Variants in LIMA1 observed in about 807,000 individuals in gnomAD.
LIMA1 encodes the protein LIM domain and actin-binding protein 1.
Under a neutral mutation model 62.6 loss-of-function variants are expected in LIMA1, and 52 were observed. That is an observed-to-expected ratio of 0.83 (90% CI 0.67 to 1.05). The LOEUF (loss-of-function observed/expected upper bound fraction) is 1.05. Among genes scored for constraint, LIMA1 ranks in the 50% least tolerant of loss-of-function variants. The pLI is 0.00. For missense variants in LIMA1, 780 were observed against 902.2 expected (o/e 0.86, Z 1.74); for synonymous variants, 302 against 317.8 (o/e 0.95, Z 0.53).
chr12:50,238,165 A>G (rs1042974034), intron 2 of LIMA1, among the ~76,000 whole-genome samples: 3 of 152,158 alleles, frequency 2.0e-5, no homozygotes, highest in Non-Finnish European at 4.4e-5. Context: ...TACAACACCA[A>G]AAGCACAGGC....
chr12:50,218,904 A>AC (rs982523407), intron 4 of LIMA1, among the ~76,000 whole-genome samples: 10 of 135,902 alleles, frequency 7.4e-5, no homozygotes, highest in African/African-American at 2.6e-4. Context: ...ATAAAAAAAA[A>AC]AAAAACAAAA....
At chr12:50,240,418 GA>G (rs1277618742) in intron 2 of LIMA1, among the ~76,000 whole-genome samples, 1 of 152,166 alleles carries the variant, frequency 6.6e-6, no homozygotes, top group African/African-American at 2.4e-5. Context: ...TGGAGGGGCT[GA>G]GAATGGAGGT....
intron 3 of LIMA1, among the ~76,000 whole-genome samples, chr12:50,226,508 T>C (rs939868774): frequency 6.6e-6 from 1 of 152,128 alleles, no homozygotes; most frequent in Non-Finnish European, 1.5e-5. Flanking sequence ...TTTCTTCCCA[T>C]TTTGAGATGC....
chr12:50,248,870 C>A, intron 1 of LIMA1, 96 bp from the exon 2 acceptor site: 1 of 681,192 alleles, frequency 1.5e-6, no homozygotes, highest in South Asian at 1.7e-5. Context: ...AACTTGCAGA[C>A]CACACTCCTC....
chr12:50,272,364 C>T (rs1278908688), intron 1 of LIMA1, among the ~76,000 whole-genome samples: 3 of 151,622 alleles, frequency 2.0e-5, no homozygotes, highest in Admixed American at 6.6e-5. Flanking sequence ...CCGAGGCGGG[C>T]GGATCACCTG....
intron 1 of LIMA1, among the ~76,000 whole-genome samples, chr12:50,248,982 C>T (rs903685988): frequency 6.6e-6 from 1 of 152,138 alleles, no homozygotes; most frequent in African/African-American, 2.4e-5. Context: ...CTTTAAGGTC[C>T]CTTCCAGTTC....
chr12:50,253,714 T>C (rs1407798213), intron 1 of LIMA1, among the ~76,000 whole-genome samples: 1 of 152,170 alleles, frequency 6.6e-6, no homozygotes, highest in African/African-American at 2.4e-5. Flanking sequence ...TAACTGGCTT[T>C]CATTGGCCTG....
intron 1 of LIMA1, among the ~76,000 whole-genome samples, chr12:50,253,390 T>C (rs968027056): frequency 6.6e-6 from 1 of 152,220 alleles, no homozygotes; most frequent in African/African-American, 2.4e-5. Context: ...TTCAGACATA[T>C]TAACTTTACA....
intron 4 of LIMA1, among the ~76,000 whole-genome samples, chr12:50,215,463 A>T (rs529482815): frequency 5.4e-4 from 82 of 151,882 alleles, no homozygotes; most frequent in East Asian, 5.2e-3. Context: ...TGCTTTATTT[A>T]TTTTATTTAT....
chr12:50,232,894 C>T lies in LIMA1; in HGVS notation c.120-1184G>A, dbSNP rs182721625. On this transcript the variant is annotated intron_variant, in intron 2 of 10. Coordinates refer to ENST00000341247, the MANE Select transcript of LIMA1 (RefSeq NM_016357.5). ...CCCAGCTACTCGGGGGGCTGAGGGA[C>T]GAGAATCGCCTCAACCCAGGAGGCG... Among the ~76,000 whole-genome samples, 48 of 152,274 alleles carry T rather than the reference C, an allele frequency of 3.2e-4. 1 individual carries two copies. The East Asian group carries it at 9.1e-3, about 29-fold the overall frequency.
At chr12:50,207,603 G>A (rs1295433682) in intron 4 of LIMA1, among the ~76,000 whole-genome samples, 1 of 152,112 alleles carries the variant, frequency 6.6e-6, no homozygotes, top group Non-Finnish European at 1.5e-5. Flanking sequence ...GTTTGAGGAA[G>A]TGAGACTGGG....
At chr12:50,244,223 C>G (rs1592550547) in intron 2 of LIMA1, among the ~76,000 whole-genome samples, 1 of 152,246 alleles carries the variant, frequency 6.6e-6, no homozygotes, top group South Asian at 2.1e-4. Flanking sequence ...CCTGCCTCAG[C>G]CTCCCGAGTA....
chr12:50,211,793 A>AACACACACACACAC (rs6144709), intron 4 of LIMA1, among the ~76,000 whole-genome samples: 1 of 150,680 alleles, frequency 6.6e-6, no homozygotes, highest in African/African-American at 2.4e-5. Context: ...AGGAACACAA[A>AACACACACACACAC]ACACACACAC....
intron 2 of LIMA1, among the ~76,000 whole-genome samples, chr12:50,241,685 A>G (rs1408081923): frequency 6.6e-6 from 1 of 152,118 alleles, no homozygotes; most frequent in Non-Finnish European, 1.5e-5. Context: ...TCTTTCTTCC[A>G]AGTTAGATCC....
chr12:50,253,047 T>G (rs563176653), intron 1 of LIMA1, among the ~76,000 whole-genome samples: 42 of 152,226 alleles, frequency 2.8e-4, no homozygotes, highest in Admixed American at 9.8e-4. Flanking sequence ...TTGACAGTTC[T>G]TAGAATAAAA....
At chr12:50,194,015 T>C (rs1940870146) in intron 8 of LIMA1, among the ~76,000 whole-genome samples, 1 of 148,678 alleles carries the variant, frequency 6.7e-6, no homozygotes, top group African/African-American at 2.5e-5. Flanking sequence ...TGAGATGGAT[T>C]TTCACTCTGC....
At chr12:50,282,246 T>C (rs560503155) in intron 1 of LIMA1, among the ~76,000 whole-genome samples, 99 of 152,324 alleles carry the variant, frequency 6.5e-4, no homozygotes, top group Non-Finnish European at 1.3e-3. Flanking sequence ...GTCTACATCA[T>C]ACCTCAGAAG....
At chr12:50,236,068 G>A (rs1039872170) in intron 2 of LIMA1, among the ~76,000 whole-genome samples, 1 of 151,826 alleles carries the variant, frequency 6.6e-6, no homozygotes, top group Non-Finnish European at 1.5e-5. Context: ...GAGAGACTGA[G>A]GCACGAGAAT....
At chr12:50,281,164 G>A (rs900274914) in intron 1 of LIMA1, among the ~76,000 whole-genome samples, 1 of 152,142 alleles carries the variant, frequency 6.6e-6, no homozygotes, top group African/African-American at 2.4e-5. Context: ...TTGTGTCTGT[G>A]TGTGTGTCTT....
Sources: allele counts gnomAD v4.1 joint callset (sites outside exome capture counted in the v4.1 genomes callset), GRCh38; gene constraint gnomAD v4.1.1; transcripts MANE v1.5; gene names NCBI Gene and HGNC (gene_info 2026-07-23, HGNC 2026-07-21).